GAPVD1: variants seen among roughly 807,000 people sequenced by gnomAD.
GAPVD1 encodes GTPase activating protein and VPS9 domains 1, also known as GTPase-activating protein and VPS9 domain-containing protein 1.
In GAPVD1, 35 loss-of-function variants were observed where a neutral mutation model predicts 155.5. That is an observed-to-expected ratio of 0.23 (90% confidence interval 0.17 to 0.30). GAPVD1 has a LOEUF of 0.30. Ranked by LOEUF, GAPVD1 falls within the 10% of genes least tolerant of loss-of-function variation. The pLI, the probability that GAPVD1 is intolerant of heterozygous loss-of-function variation, is 1.00. For synonymous variants in GAPVD1, 636 were observed against 619.7 expected (o/e 1.03, Z -0.39); for missense variants, 1,429 against 1,775.7 (o/e 0.80, Z 3.51).
At chr9:125,313,563 A>G (rs1842966418) in intron 9 of GAPVD1, among the ~76,000 whole-genome samples, 1 of 152,156 alleles carries the variant, frequency 6.6e-6, no homozygotes, top group South Asian at 2.1e-4. Context: ...TCGGCCTTCC[A>G]AAGTGTTGGG....
intron 3 of GAPVD1, among the ~76,000 whole-genome samples, chr9:125,296,358 G>GTTTTTTTTTTTGTTTTT (rs747921764): frequency 8.2e-6 from 1 of 121,756 alleles, no homozygotes. Flanking sequence ...TAGTTCTTAG[G>GTTTTTTTTTTTGTTTTT]TTTTTTTTTT....
intron 11 of GAPVD1, among the ~76,000 whole-genome samples, chr9:125,325,710 T>A (rs767291028): frequency 2.0e-5 from 3 of 152,142 alleles, no homozygotes; most frequent in Non-Finnish European, 4.4e-5. Context: ...AAAGTAATGC[T>A]GTATTTTACT....
rs1311023091 is a variant in GAPVD1 at position 125,299,064 on chromosome 9, C to A, written c.143C>A (p.Ala48Glu). Residue 48 changes from alanine (A) to glutamate (E), a missense_variant, in exon 4 of 28, where the codon GCG (alanine) becomes GAG (glutamate). This residue lies in a region of GAPVD1 where 628 missense variants were observed against 733.4 expected (regional missense o/e 0.86). Coordinates refer to ENST00000297933, the MANE Select transcript of GAPVD1 (RefSeq NM_001282680.3). ...AAGTTGTATCGTACAGCATGGATTG[C>A]GAAGCAACAGAGAATCAATTTGGAT... ...AEKLYRTAWI[A>E]KQQRINLDRL... 6.2e-7 allele frequency: 1 copy of A among 1,603,398 alleles called. No homozygotes were observed. The highest frequency in any genetic ancestry group is 2.2e-5 in the East Asian group (1 of 44,638).
chr9:125,289,362 GT>G (rs145936321), intron 2 of GAPVD1, among the ~76,000 whole-genome samples: 1,967 of 152,252 alleles, frequency 0.013, 104 homozygotes, highest in East Asian at 0.087. Context: ...AGCATAGTTA[GT>G]TAGGAAACTA....
At chr9:125,349,975 G>A (rs551857597) in intron 21 of GAPVD1, among the ~76,000 whole-genome samples, 3 of 152,096 alleles carry the variant, frequency 2.0e-5, no homozygotes, top group Non-Finnish European at 2.9e-5. Flanking sequence ...TCTGACTTCC[G>A]TGGTCCCTCC....
chr9:125,320,464 T>C (rs2131480457), intron 9 of GAPVD1, among the ~76,000 whole-genome samples: 1 of 152,282 alleles, frequency 6.6e-6, no homozygotes, highest in East Asian at 1.9e-4. Context: ...TGTATGTATG[T>C]TGTGATCAAG....
chr9:125,319,175 C>CA (rs1333577722), intron 9 of GAPVD1, among the ~76,000 whole-genome samples: 1 of 143,838 alleles, frequency 7.0e-6, no homozygotes, highest in Non-Finnish European at 1.5e-5. Flanking sequence ...GACTCTGTCT[C>CA]AAAAATATAA....
chr9:125,353,584 G>A (rs1343786287), intron 23 of GAPVD1, among the ~76,000 whole-genome samples: 1 of 152,154 alleles, frequency 6.6e-6, no homozygotes, highest in Non-Finnish European at 1.5e-5. Flanking sequence ...CTGAGACTGG[G>A]CAATTTAACA....
At chr9:125,305,220 T>C (rs577438421) in intron 6 of GAPVD1, 71 bp downstream of exon 6, 5 of 935,690 alleles carry the variant, frequency 5.3e-6, no homozygotes, top group Middle Eastern at 2.5e-4. Flanking sequence ...TATTAAATCT[T>C]GTCCTTAGGT....
At chr9:125,285,497 G>T (rs938780612) in intron 2 of GAPVD1, among the ~76,000 whole-genome samples, 3 of 104,242 alleles carry the variant, frequency 2.9e-5, no homozygotes, top group Non-Finnish European at 5.2e-5. Flanking sequence ...TTCCTCTGTT[G>T]TCCAAGCTGG....
Position 125,302,763 on chromosome 9 carries a change from A to G in GAPVD1, c.966A>G (p.Pro322=), listed in dbSNP as rs754545159. 1 of 1,613,576 alleles carries G rather than the reference A, an allele frequency of 6.2e-7. No homozygotes were observed. Among genetic ancestry groups the G allele is most frequent in the Non-Finnish European group, 8.5e-7 (1 of 1,179,852 alleles). The change falls in exon 5 of 28, where the codon CCA becomes CCG. Residue 322 remains proline (P), a synonymous_variant. Coordinates refer to ENST00000297933, the MANE Select transcript of GAPVD1 (RefSeq NM_001282680.3). ...TCATTTGTCCTGCAGTTGTCAATCC[A>G]GAACAATATGGAATAATTTCCGATG... ...ACFICPAVVN[P]EQYGIISDAP...
rs1273149349 is a variant in GAPVD1, at chr9:125,366,575, T to A, written c.*3829T>A. The A allele has an allele frequency of 6.6e-6, 1 of 152,216 alleles. No homozygotes were observed. The highest frequency in any genetic ancestry group is 1.5e-5 in the Non-Finnish European group (1 of 68,032). 9.4% of individuals were successfully genotyped at this position (152,216 alleles called of 1,614,324 possible). ...TTTAAATATTTAAGTCTAGTGAGTT[T>A]ATTTTGTACGCAATTGCTTTAATTT... On this transcript the variant is annotated 3_prime_UTR_variant, in exon 28 of 28. Coordinates refer to ENST00000297933, the MANE Select transcript of GAPVD1 (RefSeq NM_001282680.3).
At chr9:125,361,855 T>C (rs1472952165) in intron 27 of GAPVD1, among the ~76,000 whole-genome samples, 1 of 152,230 alleles carries the variant, frequency 6.6e-6, no homozygotes, top group African/African-American at 2.4e-5. Flanking sequence ...GTATCACTTG[T>C]GTGTTGCAGT....
At chr9:125,342,446 T>G in intron 19 of GAPVD1, 147 bp downstream of exon 19, 1 of 597,912 alleles carries the variant, frequency 1.7e-6, no homozygotes, top group South Asian at 2.1e-5. Context: ...CTCTGTGGTT[T>G]CCAGTTGGTG....
chr9:125,298,698 C>T (rs576610427), intron 3 of GAPVD1, among the ~76,000 whole-genome samples, 192 bp from the exon 4 acceptor site: 6 of 151,794 alleles, frequency 4.0e-5, no homozygotes, highest in Non-Finnish European at 8.8e-5. Flanking sequence ...CCATGTTGGC[C>T]AGGGTGGTCT....
chr9:125,284,647 T>C (rs1402096552), intron 2 of GAPVD1, among the ~76,000 whole-genome samples: 4 of 152,048 alleles, frequency 2.6e-5, no homozygotes, highest in African/African-American at 9.7e-5. Context: ...CATGGGTCCT[T>C]AATGAGAGGG....
intron 9 of GAPVD1, among the ~76,000 whole-genome samples, chr9:125,317,290 C>A (rs1048493000): frequency 2.7e-5 from 4 of 150,422 alleles, no homozygotes; most frequent in African/African-American, 4.9e-5. Context: ...TGCACTCTAG[C>A]CTGGGCAATA....
At chr9:125,322,140 C>T (rs1844415572) in intron 10 of GAPVD1, among the ~76,000 whole-genome samples, 1 of 152,080 alleles carries the variant, frequency 6.6e-6, no homozygotes, top group African/African-American at 2.4e-5. Context: ...TCTCGGCTCA[C>T]TGCAAGCTCC....
chr9:125,338,141 C>T (rs761322441), intron 17 of GAPVD1, among the ~76,000 whole-genome samples: 39 of 152,184 alleles, frequency 2.6e-4, no homozygotes, highest in Non-Finnish European at 4.3e-4. Flanking sequence ...CCCAGAGTTG[C>T]TGGGATTACA....
Sources: allele counts gnomAD v4.1 joint callset (sites outside exome capture counted in the v4.1 genomes callset), GRCh38; gene constraint gnomAD v4.1.1; regional missense constraint gnomAD v4.1.1; transcripts MANE v1.5; gene names NCBI Gene and HGNC (gene_info 2026-07-23, HGNC 2026-07-21).